The following XYLT1 variants were observed in gnomAD, a reference collection of about 807,000 sequenced individuals.
The protein encoded by XYLT1 is xylosyltransferase 1, also known as beta-D-xylosyltransferase 1.
A neutral mutation model predicts 91.3 loss-of-function variants in XYLT1; 36 were observed. The ratio of observed to expected loss-of-function variants is 0.39; its 90% CI spans 0.30 to 0.52. The LOEUF is 0.52. Ranked by LOEUF, XYLT1 falls within the 20% of genes least tolerant of loss-of-function variation. XYLT1 has a pLI of 0.68. For missense variants in XYLT1, 1,242 were observed against 1,284.5 expected (o/e 0.97, Z 0.51); for synonymous variants, 588 against 532.0 (o/e 1.11, Z -1.45).
chr16:17,162,321 A>T lies in XYLT1; in HGVS notation c.1290-3412T>A, dbSNP rs908271070. ...GCTACTCAGGAGGCTGAGGCTGGAGAATTGCTTGAACTTGGGAAGTGGAGG... is the reference window on the plus strand; with the variant it reads ...GCTACTCAGGAGGCTGAGGCTGGAGTATTGCTTGAACTTGGGAAGTGGAGG... On this transcript the variant is annotated intron_variant, in intron 5 of 11. Transcript: ENST00000261381. 4.6e-5 allele frequency among the ~76,000 whole-genome samples: 7 copies of T among 151,102 alleles called. No homozygotes were observed. In the South Asian group the frequency reaches 8.3e-4, roughly 18 times the overall value.
intron 2 of XYLT1, among the ~76,000 whole-genome samples, chr16:17,305,322 A>G (rs1038047082): frequency 2.6e-5 from 4 of 152,162 alleles, no homozygotes; most frequent in African/African-American, 9.7e-5. Context: ...TGTCCTCTGG[A>G]TAAGAGCGAA....
chr16:17,261,241 CAAAAAAAAAA>C (rs10573500), intron 2 of XYLT1, among the ~76,000 whole-genome samples: 1 of 96,446 alleles, frequency 1.0e-5, no homozygotes, highest in Admixed American at 1.1e-4. Context: ...AACTGGCTCT[CAAAAAAAAAA>C]AAAAAAAAAA....
At chr16:17,306,403 G>A (rs2034471139) in intron 2 of XYLT1, among the ~76,000 whole-genome samples, 1 of 152,096 alleles carries the variant, frequency 6.6e-6, no homozygotes, top group Non-Finnish European at 1.5e-5. Context: ...CAGCGCTCTG[G>A]GAGGCCGAGG....
chr16:17,309,651 G>A (rs921606762), intron 2 of XYLT1, among the ~76,000 whole-genome samples: 3 of 152,298 alleles, frequency 2.0e-5, no homozygotes, highest in South Asian at 2.1e-4. Context: ...CAGATTTCAC[G>A]TGGATATGGC....
At chr16:17,414,632 TGA>T (rs1362592882) in intron 1 of XYLT1, among the ~76,000 whole-genome samples, 1 of 152,076 alleles carries the variant, frequency 6.6e-6, no homozygotes, top group African/African-American at 2.4e-5. Context: ...ACACACATAA[TGA>T]GAAATGAGCA....
At chr16:17,321,053 T>A (rs2141829795) in intron 2 of XYLT1, among the ~76,000 whole-genome samples, 1 of 152,148 alleles carries the variant, frequency 6.6e-6, no homozygotes. Flanking sequence ...TAGCTCCTCA[T>A]CTACAAAGTG....
intron 5 of XYLT1, among the ~76,000 whole-genome samples, chr16:17,172,668 T>G (rs1169729931): frequency 6.6e-6 from 1 of 152,140 alleles, no homozygotes; most frequent in African/African-American, 2.4e-5. Context: ...AGATGGGGTT[T>G]TGCCATGTTG....
chr16:17,182,914 G>A (rs2032102728), intron 5 of XYLT1, among the ~76,000 whole-genome samples: 1 of 152,176 alleles, frequency 6.6e-6, no homozygotes, highest in Admixed American at 6.5e-5. Flanking sequence ...TATGCTTAGA[G>A]CACACAGTCA....
chr16:17,172,904 C>T (rs1343934041), intron 5 of XYLT1, among the ~76,000 whole-genome samples: 1 of 152,150 alleles, frequency 6.6e-6, no homozygotes, highest in Non-Finnish European at 1.5e-5. Context: ...TGAGCTCATA[C>T]CTCCTGCTTC....
At chr16:17,231,258 A>G (rs1298192027) in intron 3 of XYLT1, among the ~76,000 whole-genome samples, 2 of 152,242 alleles carry the variant, frequency 1.3e-5, no homozygotes, top group African/African-American at 4.8e-5. Flanking sequence ...AATCACTATC[A>G]TTCTTCTGAA....
intron 1 of XYLT1, among the ~76,000 whole-genome samples, chr16:17,415,025 C>T (rs1339469091): frequency 6.6e-6 from 1 of 152,182 alleles, no homozygotes; most frequent in Admixed American, 6.5e-5. Flanking sequence ...GTCTGACACA[C>T]AGCACCCACA....
intron 2 of XYLT1, among the ~76,000 whole-genome samples, chr16:17,261,937 A>G (rs928471977): frequency 6.6e-6 from 1 of 151,602 alleles, no homozygotes; most frequent in African/African-American, 2.4e-5. Flanking sequence ...TACAAAAAAA[A>G]TCCCCTTCAG....
At chr16:17,258,593 T>C (rs919884813) in intron 3 of XYLT1, among the ~76,000 whole-genome samples, 3 of 152,100 alleles carry the variant, frequency 2.0e-5, no homozygotes, top group Admixed American at 2.0e-4. Context: ...TGCAACCAAT[T>C]AGAAACCTCT....
chr16:17,249,449 G>C (rs1026991379), intron 3 of XYLT1, among the ~76,000 whole-genome samples: 1 of 152,178 alleles, frequency 6.6e-6, no homozygotes. Context: ...AGTACGATCA[G>C]GCCCCTGGCA....
At chr16:17,398,933 C>T (rs1460946808) in intron 1 of XYLT1, among the ~76,000 whole-genome samples, 1 of 151,212 alleles carries the variant, frequency 6.6e-6, no homozygotes, top group East Asian at 1.9e-4. Flanking sequence ...CAACCTCTAC[C>T]TCCCAGGTTC....
chr16:17,189,717 C>T (rs2032266814), intron 5 of XYLT1, among the ~76,000 whole-genome samples: 1 of 152,124 alleles, frequency 6.6e-6, no homozygotes, highest in Admixed American at 6.6e-5. Context: ...AGCAGGTCAC[C>T]AAATGTCATA....
In XYLT1 at chr16:17,293,925, A is replaced by C. The variant is rs1229336909; in HGVS notation, c.403-34427T>G. 2.6e-5 allele frequency among the ~76,000 whole-genome samples: 4 copies of C among 152,160 alleles called. No individual in the cohort carries two copies. The East Asian group carries it at 5.8e-4, about 22-fold the overall frequency. On this transcript the variant is annotated intron_variant, in intron 2 of 11. Coordinates refer to ENST00000261381, the MANE Select transcript of XYLT1 (RefSeq NM_022166.4). ...TAAACAATGCAGAGCAGAAGACAGG[A>C]GGGGTTCATGCTCTGAGTACAGGCT...
intron 3 of XYLT1, among the ~76,000 whole-genome samples, chr16:17,254,968 ATTCT>A (rs1256312356): frequency 1.3e-5 from 2 of 148,158 alleles, no homozygotes; most frequent in Non-Finnish European, 3.0e-5. Flanking sequence ...CCCATGGCCT[ATTCT>A]TTCTTTTTCC....
At chr16:17,143,477 C>A (rs2031041211) in intron 6 of XYLT1, among the ~76,000 whole-genome samples, 1 of 152,208 alleles carries the variant, frequency 6.6e-6, no homozygotes, top group Non-Finnish European at 1.5e-5. Flanking sequence ...GGCCCTTACA[C>A]ACGACCAGGA....
Sources: allele counts gnomAD v4.1 joint callset (sites outside exome capture counted in the v4.1 genomes callset), GRCh38; gene constraint gnomAD v4.1.1; transcripts MANE v1.5; gene names NCBI Gene and HGNC (gene_info 2026-07-23, HGNC 2026-07-21).